The following KCNIP4 variants were observed in gnomAD, a reference collection of about 807,000 sequenced individuals.
KCNIP4 encodes potassium voltage-gated channel interacting protein 4.
KCNIP4 carries 12 observed loss-of-function variants against 34.0 expected under a neutral mutation model. The observed-to-expected ratio is 0.35, with a 90% confidence interval of 0.23 to 0.57. KCNIP4 has a LOEUF of 0.57. Ranked by LOEUF, KCNIP4 falls within the 20% of genes least tolerant of loss-of-function variation. The pLI is 0.83. For synonymous variants in KCNIP4, 124 were observed against 102.2 expected (o/e 1.21, Z -1.29); for missense variants, 238 against 311.7 (o/e 0.76, Z 1.78).
chr4:20,889,229 G>A (rs542663327), intron 1 of KCNIP4, among the ~76,000 whole-genome samples: 20 of 152,204 alleles, frequency 1.3e-4, no homozygotes, highest in African/African-American at 4.6e-4. Flanking sequence ...AAAAAATGGT[G>A]CATTCTGCTT....
intron 3 of KCNIP4, among the ~76,000 whole-genome samples, chr4:20,830,023 T>C (rs1465289298): frequency 6.6e-6 from 1 of 152,124 alleles, no homozygotes; most frequent in Non-Finnish European, 1.5e-5. Context: ...CTAAATGTCA[T>C]CCTCCCTCCC....
chr4:21,463,442 C>G (rs1271119660), intron 1 of KCNIP4, among the ~76,000 whole-genome samples: 1 of 151,902 alleles, frequency 6.6e-6, no homozygotes, highest in African/African-American at 2.4e-5. Flanking sequence ...AACCATTAAT[C>G]TAGTTTCTGT....
intron 1 of KCNIP4, among the ~76,000 whole-genome samples, chr4:21,148,118 C>T (rs548058429): frequency 1.3e-5 from 2 of 152,070 alleles, no homozygotes; most frequent in African/African-American, 4.8e-5. Flanking sequence ...AATCAGGAAA[C>T]TGCTGCCTAA....
intron 1 of KCNIP4, among the ~76,000 whole-genome samples, chr4:21,923,733 C>T (rs1013516852): frequency 2.0e-5 from 3 of 152,218 alleles, no homozygotes; most frequent in African/African-American, 7.2e-5. Flanking sequence ...TGACTACACA[C>T]AGCATTCACT....
At chr4:21,289,073 A>G (rs778889200) in intron 1 of KCNIP4, among the ~76,000 whole-genome samples, 9 of 152,198 alleles carry the variant, frequency 5.9e-5, no homozygotes, top group Non-Finnish European at 1.0e-4. Context: ...TTTAGGGGGA[A>G]ATTGTCTTTG....
chr4:21,023,171 T>C (rs980589566), intron 1 of KCNIP4, among the ~76,000 whole-genome samples: 1 of 152,064 alleles, frequency 6.6e-6, no homozygotes, highest in South Asian at 2.1e-4. Flanking sequence ...TATAAAACAA[T>C]GAAGACATTA....
chr4:21,270,028 T>C (rs1164942955), intron 1 of KCNIP4, among the ~76,000 whole-genome samples: 1 of 152,210 alleles, frequency 6.6e-6, no homozygotes, highest in Non-Finnish European at 1.5e-5. Flanking sequence ...GGTTGAGTAC[T>C]TAACTCAATA....
At chr4:21,128,956 G>C (rs764334197) in intron 1 of KCNIP4, among the ~76,000 whole-genome samples, 5 of 152,132 alleles carry the variant, frequency 3.3e-5, no homozygotes, top group Admixed American at 2.6e-4. Flanking sequence ...CACTTTATAG[G>C]CTTGACGGAC....
At chr4:20,861,901 T>C (rs1722234057) in intron 2 of KCNIP4, among the ~76,000 whole-genome samples, 7 of 151,862 alleles carry the variant, frequency 4.6e-5, no homozygotes, top group Non-Finnish European at 8.8e-5. Flanking sequence ...AATCACCTAA[T>C]TGGAATGCTT....
At chr4:21,560,339 G>A (rs1376304891) in intron 1 of KCNIP4, among the ~76,000 whole-genome samples, 1 of 151,176 alleles carries the variant, frequency 6.6e-6, no homozygotes, top group Non-Finnish European at 1.5e-5. Flanking sequence ...TGAAGCAAAT[G>A]GACCATAGCT....
intron 1 of KCNIP4, among the ~76,000 whole-genome samples, chr4:21,791,488 G>A (rs1447340231): frequency 2.0e-5 from 3 of 152,114 alleles, no homozygotes; most frequent in Non-Finnish European, 4.4e-5. Flanking sequence ...AGAATGGGAA[G>A]GGTGCTGCTT....
intron 1 of KCNIP4, among the ~76,000 whole-genome samples, chr4:21,063,139 C>G (rs1320451953): frequency 1.3e-5 from 2 of 152,022 alleles, no homozygotes; most frequent in African/African-American, 4.8e-5. Flanking sequence ...TAGGGAGAGG[C>G]AGGGAACAGC....
At chr4:20,835,650 A>C (rs1243397093) in intron 3 of KCNIP4, among the ~76,000 whole-genome samples, 1 of 152,058 alleles carries the variant, frequency 6.6e-6, no homozygotes, top group African/African-American at 2.4e-5. Context: ...ATGTATTTTC[A>C]GCCCCAAACA....
chr4:21,059,838 T>C (rs1303517421), intron 1 of KCNIP4, among the ~76,000 whole-genome samples: 1 of 152,106 alleles, frequency 6.6e-6, no homozygotes, highest in Non-Finnish European at 1.5e-5. Flanking sequence ...AACTGAGAAA[T>C]TATACAACAT....
At chr4:21,146,082 T>C (rs576041809) in intron 1 of KCNIP4, among the ~76,000 whole-genome samples, 1 of 152,318 alleles carries the variant, frequency 6.6e-6, no homozygotes, top group African/African-American at 2.4e-5. Flanking sequence ...ATACAGATTC[T>C]ATGAAAGAGA....
chr4:21,936,788 G>A lies in KCNIP4; in HGVS notation c.61+11783C>T, dbSNP rs370468674. Among the ~76,000 whole-genome samples the A allele has an allele frequency of 1.1e-4, 17 of 152,076 alleles. No homozygotes were observed. The East Asian group carries it at 2.5e-3, about 23-fold the overall frequency. On this transcript the variant is annotated intron_variant, in intron 1 of 8. Coordinates refer to ENST00000382152, the MANE Select transcript of KCNIP4 (RefSeq NM_025221.6). ...CAGTTCATTCTATTAGCCAGCTCTG[G>A]ATTTTTAAAACTCTCTTTTTTCCCT...
At chr4:21,946,465 A>G (rs537463702) in intron 1 of KCNIP4, among the ~76,000 whole-genome samples, 1 of 152,330 alleles carries the variant, frequency 6.6e-6, no homozygotes, top group African/African-American at 2.4e-5. Flanking sequence ...TAAAACAAAA[A>G]TGGAAGACAG....
chr4:20,842,599 A>T, intron 3 of KCNIP4, among the ~76,000 whole-genome samples: 1 of 151,070 alleles, frequency 6.6e-6, no homozygotes, highest in South Asian at 2.1e-4. Context: ...AAAAAAAAAA[A>T]AAAAAAAAAA....
At chr4:21,831,562 T>C (rs923267904) in intron 1 of KCNIP4, among the ~76,000 whole-genome samples, 3 of 149,594 alleles carry the variant, frequency 2.0e-5, no homozygotes, top group South Asian at 4.2e-4. Flanking sequence ...AAGAAACAAA[T>C]TCCTAGCAGC....
Sources: gnomAD v4.1 joint callset for allele counts (sites outside exome capture counted in the v4.1 genomes callset) on GRCh38, gnomAD v4.1.1 for gene constraint, MANE v1.5 for transcripts, NCBI Gene and HGNC (gene_info 2026-07-23, HGNC 2026-07-21) for gene names.